Variants in ATP9B observed in about 807,000 individuals in gnomAD.
ATP9B encodes the protein probable phospholipid-transporting ATPase IIB.
Under a neutral mutation model 146.1 loss-of-function variants are expected in ATP9B, and 110 were observed. That is an observed-to-expected ratio of 0.75 (90% CI 0.65 to 0.88). ATP9B has a LOEUF of 0.88. Ranked by LOEUF, ATP9B falls within the 40% of genes least tolerant of loss-of-function variation. The pLI is 0.00. For missense variants in ATP9B, 1,499 were observed against 1,496.4 expected, an observed-to-expected ratio of 1.00 and a Z score of -0.03; for synonymous variants, 604 against 569.7, an observed-to-expected ratio of 1.06 and a Z score of -0.86.
chr18:79,373,345 G>C (rs1334681823), intron 27 of ATP9B, among the ~76,000 whole-genome samples: 1 of 152,132 alleles, frequency 6.6e-6, no homozygotes, highest in Non-Finnish European at 1.5e-5. Flanking sequence ...TAGAGGTGTG[G>C]CTTCGTATCC....
At position 79,256,711 on chromosome 18, in the gene ATP9B, C is replaced by G. The variant is rs1161864325; in HGVS notation, c.1268+3170C>G. On this transcript the variant is annotated intron_variant, in intron 12 of 29. Transcript: ENST00000426216. ...AATATTTTAAGTCAGCTCATCTTCC[C>G]TCTCCCATCCACTTACATGCTTTAT... Among the ~76,000 whole-genome samples the G allele has an allele frequency of 2.0e-5, 3 of 152,110 alleles. No homozygotes were observed. The East Asian group carries it at 5.8e-4, about 29-fold the overall frequency.
chr18:79,137,340 G>A (rs1269670711), intron 5 of ATP9B, among the ~76,000 whole-genome samples: 1 of 151,994 alleles, frequency 6.6e-6, no homozygotes, highest in African/African-American at 2.4e-5. Context: ...ATTTTTTATT[G>A]GATGTCAGAC....
intron 13 of ATP9B, among the ~76,000 whole-genome samples, chr18:79,287,537 A>G (rs1270182439): frequency 2.0e-5 from 3 of 152,000 alleles, no homozygotes; most frequent in East Asian, 3.9e-4. Flanking sequence ...CTAGCGGTCT[A>G]TCAATTTTGT....
intron 12 of ATP9B, among the ~76,000 whole-genome samples, chr18:79,270,080 G>A (rs1599443675): frequency 6.6e-6 from 1 of 151,952 alleles, no homozygotes; most frequent in Non-Finnish European, 1.5e-5. Context: ...GCTTGTCTTT[G>A]CCATTCCTTT....
intron 7 of ATP9B, chr18:79,174,023 G>A (rs1201115932): frequency 2.1e-5 from 7 of 325,982 alleles, no homozygotes; most frequent in Non-Finnish European, 4.2e-5. Flanking sequence ...CTTGATACCC[G>A]AGGAATTGAG....
intron 4 of ATP9B, among the ~76,000 whole-genome samples, chr18:79,125,536 TAC>T (rs1452007710): frequency 6.6e-6 from 1 of 152,232 alleles, no homozygotes; most frequent in African/African-American, 2.4e-5. Flanking sequence ...TTCTGTTATT[TAC>T]AGTTTTGACT....
At chr18:79,120,589 C>T (rs1284127152) in intron 4 of ATP9B, among the ~76,000 whole-genome samples, 1 of 152,116 alleles carries the variant, frequency 6.6e-6, no homozygotes, top group Non-Finnish European at 1.5e-5. Flanking sequence ...GATTACTTTT[C>T]ATACTCAGCT....
intron 6 of ATP9B, chr18:79,144,738 CTTATTT>C (rs2094556632): frequency 6.6e-6 from 1 of 151,300 alleles, no homozygotes; most frequent in Non-Finnish European, 1.5e-5. Flanking sequence ...TTGTTTTATT[CTTATTT>C]TTATTTTTTT....
chr18:79,213,870 T>C, intron 10 of ATP9B, 92 bp from the exon 11 acceptor site: 1 of 935,160 alleles, frequency 1.1e-6, no homozygotes, highest in Non-Finnish European at 1.6e-6. Context: ...AATAGTGTGA[T>C]AATACTTTCC....
chr18:79,228,906 G>T (rs1425417723), intron 11 of ATP9B, among the ~76,000 whole-genome samples: 1 of 151,986 alleles, frequency 6.6e-6, no homozygotes, highest in Non-Finnish European at 1.5e-5. Flanking sequence ...CACACCTGTG[G>T]TACAAACTAC....
intron 7 of ATP9B, among the ~76,000 whole-genome samples, chr18:79,166,335 A>G (rs956423772): frequency 2.6e-5 from 4 of 152,260 alleles, no homozygotes; most frequent in East Asian, 1.9e-4. Flanking sequence ...AGCAGCTGCA[A>G]TGGGACTCGG....
chr18:79,111,150 A>G (rs1444353043), intron 3 of ATP9B, among the ~76,000 whole-genome samples: 2 of 152,178 alleles, frequency 1.3e-5, no homozygotes, highest in Admixed American at 6.5e-5. Flanking sequence ...TTCATATACA[A>G]TTAGAATAGT....
At chr18:79,098,847 C>T (rs2075031683) in intron 2 of ATP9B, among the ~76,000 whole-genome samples, 2 of 152,122 alleles carry the variant, frequency 1.3e-5, no homozygotes, top group Admixed American at 1.3e-4. Flanking sequence ...AGTAGTAGTT[C>T]AGTGTTTATC....
chr18:79,172,737 G>C (rs1346964803), intron 7 of ATP9B, among the ~76,000 whole-genome samples: 1 of 152,262 alleles, frequency 6.6e-6, no homozygotes, highest in East Asian at 1.9e-4. Flanking sequence ...TGCTAACTAG[G>C]ATTTCATGGA....
At chr18:79,192,925 G>A (rs545401257) in intron 8 of ATP9B, among the ~76,000 whole-genome samples, 12 of 152,192 alleles carry the variant, frequency 7.9e-5, no homozygotes, top group African/African-American at 2.6e-4. Context: ...GACAGGCCCC[G>A]GGGCTGCCTG....
At chr18:79,102,411 A>G (rs763910915) in intron 2 of ATP9B, among the ~76,000 whole-genome samples, 1 of 152,122 alleles carries the variant, frequency 6.6e-6, no homozygotes, top group Non-Finnish European at 1.5e-5. Flanking sequence ...TTTTTTAGCC[A>G]GTGCGTATCC....
intron 2 of ATP9B, among the ~76,000 whole-genome samples, chr18:79,101,899 TG>T (rs1568177674): frequency 6.6e-6 from 1 of 152,236 alleles, no homozygotes; most frequent in Non-Finnish European, 1.5e-5. Flanking sequence ...ATGGGTCCTC[TG>T]TCAGACATGT....
At chr18:79,221,524 C>A (rs1230334462) in intron 11 of ATP9B, among the ~76,000 whole-genome samples, 1 of 152,196 alleles carries the variant, frequency 6.6e-6, no homozygotes, top group Non-Finnish European at 1.5e-5. Context: ...AGTTCGAGGC[C>A]AGCCTGGGCA....
chr18:79,307,629 A>G (rs191223940), intron 15 of ATP9B, among the ~76,000 whole-genome samples: 20 of 152,356 alleles, frequency 1.3e-4, no homozygotes, highest in South Asian at 8.3e-4. Flanking sequence ...TGGTTTCCAT[A>G]TTAAATTTCC....
Sources: allele counts gnomAD v4.1 joint callset (sites outside exome capture counted in the v4.1 genomes callset), GRCh38; gene constraint gnomAD v4.1.1; transcripts MANE v1.5; gene names NCBI Gene and HGNC (gene_info 2026-07-23, HGNC 2026-07-21).